The following CSRP1 variants were observed in gnomAD, a reference collection of about 807,000 sequenced individuals.
CSRP1 encodes cysteine and glycine-rich protein 1.
CSRP1 carries 16 observed loss-of-function variants against 25.4 expected under a neutral mutation model. That is an observed-to-expected ratio of 0.63 (90% CI 0.43 to 0.96). The LOEUF is 0.96. CSRP1 is among the 40% of genes least tolerant of loss of function. The probability of loss-of-function intolerance (pLI) is 0.00; values close to 1 mark genes in which losing one functional copy is unlikely to be tolerated. For synonymous variants in CSRP1, 97 were observed against 95.3 expected, an observed-to-expected ratio of 1.02 and a Z score of -0.10; for missense variants, 212 against 243.6, an observed-to-expected ratio of 0.87 and a Z score of 0.86.
intron 1 of CSRP1, among the ~76,000 whole-genome samples, chr1:201,500,264 C>G (rs1664626480): frequency 6.6e-6 from 1 of 152,216 alleles, no homozygotes; most frequent in African/African-American, 2.4e-5. Flanking sequence ...TTCCCCTAGC[C>G]ACATGGTTGG....
chr1:201,500,576 T>C (rs987231764), intron 1 of CSRP1, among the ~76,000 whole-genome samples: 2 of 152,252 alleles, frequency 1.3e-5, no homozygotes, highest in African/African-American at 4.8e-5. Flanking sequence ...CAGGGCTCTA[T>C]TGCCTTGAGA....
In CSRP1 at chr1:201,504,821, G is replaced by A. The variant is rs567523315; in HGVS notation, c.-2+2249C>T. Among the ~76,000 whole-genome samples, 701 of 151,280 alleles carry A rather than the reference G, an allele frequency of 4.6e-3. 13 individuals are homozygous for A. In the South Asian group the frequency reaches 0.077, roughly 17 times the overall value. ...CCAAAAAAAAAAAAAACACCAGGCCGGGCGCAGTGGCTCATGCCTGTAATC... is the reference window on the plus strand; with the variant it reads ...CCAAAAAAAAAAAAAACACCAGGCCAGGCGCAGTGGCTCATGCCTGTAATC... On this transcript the variant is annotated intron_variant, in intron 1 of 5. Coordinates refer to ENST00000340006, the MANE Select transcript of CSRP1 (RefSeq NM_004078.3).
At chr1:201,506,308 C>G (rs3753988) in intron 1 of CSRP1, among the ~76,000 whole-genome samples, 88,413 of 151,828 alleles carry the variant, frequency 0.58, 27,590 homozygotes, top group Non-Finnish European at 0.71. Flanking sequence ...AGCCTGAGCC[C>G]ACTATTGCTC....
At chr1:201,501,445 C>T (rs1038508757) in intron 1 of CSRP1, among the ~76,000 whole-genome samples, 1 of 152,174 alleles carries the variant, frequency 6.6e-6, no homozygotes, top group African/African-American at 2.4e-5. Flanking sequence ...GAGAACAGAG[C>T]TTGAATTTTC....
intron 1 of CSRP1, among the ~76,000 whole-genome samples, chr1:201,501,094 AT>A (rs755397151): frequency 1.3e-5 from 2 of 152,200 alleles, no homozygotes; most frequent in Non-Finnish European, 2.9e-5. Context: ...AATGGACCGT[AT>A]ATGGACTCCC....
chr1:201,490,669 T>C (rs1043234750), intron 2 of CSRP1: 16 of 222,794 alleles, frequency 7.2e-5, no homozygotes, highest in African/African-American at 3.1e-4. Flanking sequence ...CAGCCTAGGC[T>C]GACCCCAAGC....
intron 1 of CSRP1, among the ~76,000 whole-genome samples, chr1:201,497,358 CAAAAAAAAAAAA>C (rs71564149): frequency 4.5e-4 from 20 of 44,582 alleles, no homozygotes; most frequent in Non-Finnish European, 6.8e-4. Context: ...GACTCTGTCT[CAAAAAAAAAAAA>C]AAAAAAAAAA....
chr1:201,486,816 C>T, intron 4 of CSRP1: 2 of 1,082,322 alleles, frequency 1.8e-6, no homozygotes, highest in Non-Finnish European at 2.3e-6. Context: ...ATTCTCTTAT[C>T]CTACTCCTTA....
At chr1:201,506,415 T>A (rs2102419243) in intron 1 of CSRP1, among the ~76,000 whole-genome samples, 1 of 152,344 alleles carries the variant, frequency 6.6e-6, no homozygotes, top group South Asian at 2.1e-4. Flanking sequence ...AATACCTGCC[T>A]CAGAGGGCTG....
intron 2 of CSRP1, among the ~76,000 whole-genome samples, chr1:201,494,132 T>A (rs80241868): frequency 1.0e-3 from 154 of 151,828 alleles, no homozygotes; most frequent in African/African-American, 3.5e-3. Context: ...TTTCTACAAC[T>A]GTTTCTCATC....
At chr1:201,499,730 C>G (rs531026199) in intron 1 of CSRP1, among the ~76,000 whole-genome samples, 25 of 152,332 alleles carry the variant, frequency 1.6e-4, no homozygotes, top group African/African-American at 5.3e-4. Context: ...ATTCTCATGC[C>G]TCAGCCTCCT....
rs1664298441 is a variant in CSRP1, at chr1:201,490,341, A to C, written c.116T>G (p.Val39Gly). ...GGTACTGTCCAGATTCTTCTTGCAGACCACTGTGGAGGGGAAGGGGAAGCG... is the reference window on the plus strand; with the variant it reads ...GGTACTGTCCAGATTCTTCTTGCAGCCCACTGTGGAGGGGAAGGGGAAGCG... ...SFHKSCFLCM[V>G]CKKNLDSTTV... Residue 39 changes from valine (V) to glycine (G), a missense_variant, in exon 3 of 6, where the codon GTC (valine) becomes GGC (glycine). By Grantham distance (109) the Val-to-Gly change is moderately radical (BLOSUM62 -3). Transcript: ENST00000340006. 1 of 1,613,768 alleles carries C rather than the reference A, an allele frequency of 6.2e-7. No homozygotes were observed. The highest frequency in any genetic ancestry group is 8.5e-7 in the Non-Finnish European group (1 of 1,179,782).
chr1:201,502,450 TCTTAGAAG>T (rs778917150), intron 1 of CSRP1, among the ~76,000 whole-genome samples: 2 of 152,026 alleles, frequency 1.3e-5, no homozygotes, highest in Non-Finnish European at 2.9e-5. Context: ...CAGAGCCAAG[TCTTAGAAG>T]TGACACCTGA....
At chr1:201,488,618 C>A (rs1036945393) in intron 4 of CSRP1, 1 of 401,864 alleles carries the variant, frequency 2.5e-6, no homozygotes, top group Admixed American at 3.7e-5. Flanking sequence ...CATTGCCACT[C>A]CCTATGAATT....
intron 2 of CSRP1, chr1:201,492,234 C>G (rs1202664997): frequency 6.6e-6 from 1 of 152,256 alleles, no homozygotes; most frequent in African/African-American, 2.4e-5. Flanking sequence ...GCTGATCTCT[C>G]CAGTAGGAGA....
chr1:201,496,256 C>A lies in CSRP1; in HGVS notation c.48G>T (p.Thr16=), dbSNP rs188529073. Residue 16 remains threonine, a synonymous_variant, in exon 2 of 6, where the codon ACG becomes ACT. Coordinates refer to ENST00000340006, the MANE Select transcript of CSRP1 (RefSeq NM_004078.3). ...ACTGAACCTCTTCGGCAAAGTAAACCGTCTTCTGACACACCCCACATTTCT... is the reference window on the plus strand; with the variant it reads ...ACTGAACCTCTTCGGCAAAGTAAACAGTCTTCTGACACACCCCACATTTCT... ...GGKKCGVCQK[T]VYFAEEVQCE... 2.0e-5 allele frequency: 33 copies of A among 1,614,220 alleles called. No homozygotes were observed. The Admixed American group carries it at 3.5e-4, about 17-fold the overall frequency.
rs201532783 is a variant in CSRP1, at chr1:201,484,733, C to A, written c.562G>T (p.Ala188Ser). The A allele has an allele frequency of 5.6e-6, 9 of 1,611,526 alleles. No homozygotes were observed. The highest frequency in any genetic ancestry group is 5.9e-6 in the Non-Finnish European group (7 of 1,179,464). Residue 188 changes from alanine to serine, a missense_variant, in exon 6 of 6, where the codon GCC (alanine) becomes TCC (serine). Coordinates refer to ENST00000340006, the MANE Select transcript of CSRP1 (RefSeq NM_004078.3). ...KGFGFGQGAGALVHSE is the reference protein window; with the variant it reads ...KGFGFGQGAGSLVHSE ...TGGCCTCACTCAGAGTGGACCAAGG[C>A]CCCAGCTCCTTGCCCAAAACCAAAG...
At chr1:201,486,754 C>T (rs1469467305) in intron 4 of CSRP1, 6 of 1,066,706 alleles carry the variant, frequency 5.6e-6, no homozygotes, top group Middle Eastern at 4.6e-4. Flanking sequence ...ATTTCTTGAG[C>T]GAGGCAATAG....
intron 5 of CSRP1, 44 bp downstream of exon 5, chr1:201,485,239 C>T (rs554058147): frequency 6.4e-7 from 1 of 1,566,872 alleles, no homozygotes; most frequent in East Asian, 2.2e-5. Context: ...GCCCCCCTAC[C>T]CCCTTGGGCC....
Sources: gnomAD v4.1 joint callset for allele counts (sites outside exome capture counted in the v4.1 genomes callset) on GRCh38, gnomAD v4.1.1 for gene constraint, MANE v1.5 for transcripts, NCBI Gene and HGNC (gene_info 2026-07-23, HGNC 2026-07-21) for gene names.